The following CLIC5 variants were observed in gnomAD, a reference collection of about 807,000 sequenced individuals.
CLIC5 encodes CLIC family member 5.
Under a neutral mutation model 24.7 loss-of-function variants are expected in CLIC5, and 20 were observed. That is an observed-to-expected ratio of 0.81 (90% CI 0.57 to 1.18). The LOEUF (loss-of-function observed/expected upper bound fraction) is 1.18, where lower values mean the gene tolerates loss of function less well. Ranked by LOEUF, CLIC5 falls within the 50% of genes most tolerant of loss-of-function variation. The probability of loss-of-function intolerance (pLI) is 0.00; values close to 1 mark genes in which losing one functional copy is unlikely to be tolerated. For synonymous variants in CLIC5, 159 were observed against 135.6 expected, an observed-to-expected ratio of 1.17 and a Z score of -1.20; for missense variants, 341 against 326.1, an observed-to-expected ratio of 1.05 and a Z score of -0.35.
At chr6:46,019,366 A>AAAGCCCCTG, upstream of CLIC5, among the ~76,000 whole-genome samples, 1 of 152,332 alleles carries the variant, frequency 6.6e-6, no homozygotes, top group South Asian at 2.1e-4. Context: ...AGAGGATGGA[A>AAAGCCCCTG]AAGCCCCTGC....
At chr6:46,023,065 T>C (rs1767229731) in intron 1 of CLIC5, among the ~76,000 whole-genome samples, 1 of 152,190 alleles carries the variant, frequency 6.6e-6, no homozygotes, top group South Asian at 2.1e-4. Flanking sequence ...TAAATAATTG[T>C]TGATGGAATC....
chr6:46,016,017 G>A (rs1221199809), upstream of CLIC5: 2 of 524,276 alleles, frequency 3.8e-6, no homozygotes, highest in Non-Finnish European at 4.9e-6. Context: ...AGACAGAGCT[G>A]GTCCTGGCAA....
intron 1 of CLIC5, among the ~76,000 whole-genome samples, chr6:46,053,974 C>A (rs1050410534): frequency 2.6e-5 from 4 of 152,134 alleles, no homozygotes; most frequent in African/African-American, 9.7e-5. Flanking sequence ...GTTATTTTGA[C>A]CAGTGGATCA....
chr6:45,911,952 T>A (rs1762836246), intron 5 of CLIC5: 1 of 985,406 alleles, frequency 1.0e-6, no homozygotes, highest in South Asian at 4.7e-5. Flanking sequence ...ATGGAGAGCC[T>A]GGGCCAGAGC....
intron 1 of CLIC5, among the ~76,000 whole-genome samples, chr6:46,067,142 T>C (rs1762464811): frequency 6.6e-6 from 1 of 152,092 alleles, no homozygotes; most frequent in Non-Finnish European, 1.5e-5. Flanking sequence ...ACTCCACTGG[T>C]TGAATGAAGG....
intron 1 of CLIC5, among the ~76,000 whole-genome samples, chr6:46,043,219 C>T (rs984543744): frequency 1.3e-5 from 2 of 152,122 alleles, no homozygotes; most frequent in Non-Finnish European, 2.9e-5. Context: ...CTCTGTGTAC[C>T]ATGTACTGTG....
At chr6:46,045,398 G>A (rs949357867) in intron 1 of CLIC5, among the ~76,000 whole-genome samples, 19 of 151,922 alleles carry the variant, frequency 1.3e-4, no homozygotes, top group African/African-American at 4.1e-4. Context: ...TTGCAATGTG[G>A]GAACTGCCTG....
intron 1 of CLIC5, among the ~76,000 whole-genome samples, chr6:45,996,107 T>C (rs1485711189): frequency 1.3e-5 from 2 of 148,276 alleles, no homozygotes; most frequent in East Asian, 3.9e-4. Flanking sequence ...ATCCTGCACA[T>C]GTACCTCAGA....
At chr6:45,917,370 G>A (rs1032772015) in intron 4 of CLIC5, among the ~76,000 whole-genome samples, 1 of 152,158 alleles carries the variant, frequency 6.6e-6, no homozygotes, top group African/African-American at 2.4e-5. Flanking sequence ...CCAAACGTGG[G>A]GTCCTCCTGT....
In CLIC5 at chr6:45,928,400, T is replaced by C. The variant is rs574278133; in HGVS notation, c.406+13147A>G. On this transcript the variant is annotated intron_variant, in intron 4 of 5. Coordinates refer to ENST00000339561, the MANE Select transcript of CLIC5 (RefSeq NM_016929.5). ...GGAATCTGTTCTACAGGTTAACTTA[T>C]CCAGAGATATTCTCCCCTAAAGGTC... is the stretch of plus-strand genomic sequence containing the variant. Among the ~76,000 whole-genome samples the C allele has an allele frequency of 5.9e-5, 9 of 152,334 alleles. No individual in the cohort carries two copies. In the South Asian group the frequency reaches 1.9e-3, roughly 32 times the overall value.
At chr6:45,886,605 A>T (rs964008397) in intron 6 of CLIC5, among the ~76,000 whole-genome samples, 2 of 152,194 alleles carry the variant, frequency 1.3e-5, no homozygotes, top group African/African-American at 2.4e-5. Context: ...CCCAATGCCA[A>T]ATCCGTGATC....
chr6:46,032,790 C>T (rs1767543592), intron 1 of CLIC5, among the ~76,000 whole-genome samples: 1 of 152,138 alleles, frequency 6.6e-6, no homozygotes, highest in South Asian at 2.1e-4. Context: ...GCTGGTCACA[C>T]CTGCATCTTA....
At chr6:46,021,460 A>G (rs1406494872) in intron 1 of CLIC5, among the ~76,000 whole-genome samples, 2 of 152,260 alleles carry the variant, frequency 1.3e-5, no homozygotes, top group African/African-American at 2.4e-5. Flanking sequence ...TTATGTTTAC[A>G]TAAAACCTTG....
chr6:46,100,969 G>A, the CLIC5 span, among the ~76,000 whole-genome samples: 1 of 152,110 alleles, frequency 6.6e-6, no homozygotes. Flanking sequence ...AGGTGATGGT[G>A]GCAGGACAGT....
intron 1 of CLIC5, among the ~76,000 whole-genome samples, chr6:45,988,922 C>A (rs2127421439): frequency 6.6e-6 from 1 of 152,252 alleles, no homozygotes; most frequent in South Asian, 2.1e-4. Context: ...GGGGAGAAAG[C>A]TAAAGGCCAG....
downstream of CLIC5, chr6:45,881,001 G>A (rs1273033404): frequency 5.0e-6 from 2 of 396,568 alleles, no homozygotes; most frequent in Admixed American, 8.8e-5. Context: ...GAGAAATCCA[G>A]ACTTCAACAA....
chr6:45,898,887 T>C lies in CLIC5; in HGVS notation c.*4201A>G, dbSNP rs1467126957. The C allele has an allele frequency of 2.0e-5, 3 of 152,366 alleles. No individual in the cohort carries two copies. The highest frequency in any genetic ancestry group is 1.9e-4 in the East Asian group (1 of 5,204). 9.4% of individuals were successfully genotyped at this position (152,366 alleles called of 1,614,324 possible). ...CTTCAGATGACTGGATCCTTAAAAG[T>C]ACATTTTACCAAAAACAGATTGCTT... On this transcript the variant is annotated 3_prime_UTR_variant, in exon 6 of 6. Transcript: ENST00000339561.
chr6:46,009,859 T>A (rs1038659020), intron 1 of CLIC5, among the ~76,000 whole-genome samples: 2 of 152,114 alleles, frequency 1.3e-5, no homozygotes, highest in Admixed American at 1.3e-4. Flanking sequence ...ACAGGAGGAA[T>A]CAACTTCCCC....
At chr6:45,939,983 C>A (rs1764075553) in intron 4 of CLIC5, among the ~76,000 whole-genome samples, 1 of 152,106 alleles carries the variant, frequency 6.6e-6, no homozygotes, top group South Asian at 2.1e-4. Flanking sequence ...TTCCCAGAAG[C>A]CACTCTCTTT....
Sources: gnomAD v4.1 joint callset for allele counts (sites outside exome capture counted in the v4.1 genomes callset) on GRCh38, gnomAD v4.1.1 for gene constraint, MANE v1.5 for transcripts, NCBI Gene and HGNC (gene_info 2026-07-23, HGNC 2026-07-21) for gene names.